The following KDR variants were observed in gnomAD, a reference collection of about 807,000 sequenced individuals.
KDR encodes vascular endothelial growth factor receptor 2.
Under a neutral mutation model 160.9 loss-of-function variants are expected in KDR, and 43 were observed. The ratio of observed to expected loss-of-function variants is 0.27; its 90% CI spans 0.21 to 0.34. The LOEUF is 0.34. KDR is among the 10% of genes least tolerant of loss of function. The pLI, the probability that KDR is intolerant of heterozygous loss-of-function variation, is 1.00. For synonymous variants in KDR, 617 were observed against 600.1 expected (o/e 1.03, Z -0.41); for missense variants, 1,469 against 1,666.4 (o/e 0.88, Z 2.06).
At chr4:55,096,115 G>A (rs183483524) in intron 19 of KDR, 114 bp downstream of exon 19, 19 of 686,132 alleles carry the variant, frequency 2.8e-5, no homozygotes, top group Middle Eastern at 3.8e-4. Context: ...CTAGGAATCC[G>A]CAAAGTATTC....
At chr4:55,114,749 A>G in intron 5 of KDR, 125 bp downstream of exon 5, 1 of 820,852 alleles carries the variant, frequency 1.2e-6, no homozygotes, top group East Asian at 2.5e-5. Context: ...GAGCAGATGA[A>G]TTGCCCAACA....
chr4:55,096,015 TCATA>T (rs1485168127), intron 19 of KDR, among the ~76,000 whole-genome samples: 1 of 152,194 alleles, frequency 6.6e-6, no homozygotes, highest in Non-Finnish European at 1.5e-5. Flanking sequence ...ACAAACTGTA[TCATA>T]GTAGCATGAC....
chr4:55,095,999 C>T (rs41279531), intron 19 of KDR, among the ~76,000 whole-genome samples: 44,562 of 151,812 alleles, frequency 0.29, 7,380 homozygotes, highest in Admixed American at 0.45. Flanking sequence ...ATCTGTTACA[C>T]AAGTAACAAA....
rs1269675361 is a variant in KDR, at chr4:55,079,932, T to C, written c.*9A>G. ...GATGTCCAGGAGTTGGGGGTGTGGA[T>C]GCTTCCTTTTAAACAGGAGGAGAGC... On this transcript the variant is annotated 3_prime_UTR_variant, in exon 30 of 30. Transcript: ENST00000263923. 1.2e-6 allele frequency: 2 copies of C among 1,611,718 alleles called. No homozygotes were observed. Among genetic ancestry groups the C allele is most frequent in the Admixed American group, 1.7e-5 (1 of 60,022 alleles).
chr4:55,090,556 T>A (rs1331563038), intron 22 of KDR, among the ~76,000 whole-genome samples: 1 of 152,214 alleles, frequency 6.6e-6, no homozygotes. Flanking sequence ...CTGGCTCTGA[T>A]AAACAATTCC....
chr4:55,100,238 T>C (rs1293668403), intron 15 of KDR, among the ~76,000 whole-genome samples: 1 of 152,068 alleles, frequency 6.6e-6, no homozygotes, highest in Admixed American at 6.6e-5. Flanking sequence ...AAAAGTTAAC[T>C]TAACCATTGA....
chr4:55,115,261 T>C lies in KDR; in HGVS notation c.489+20A>G, dbSNP rs373747947. The C allele has an allele frequency of 1.9e-6, 3 of 1,593,528 alleles. No individual in the cohort carries two copies. The highest frequency in any genetic ancestry group is 2.6e-6 in the Non-Finnish European group (3 of 1,161,332). On this transcript the variant is annotated intron_variant, in intron 4 of 29. Transcript: ENST00000263923. The stretch of plus-strand genomic sequence containing the variant: ...AAAATTATAAAAACTTAAGAGACGA[T>C]TGGAGGAGATGCAACTTACTGCACA...
Position 55,080,140 on chromosome 4 carries a change from C to A in KDR, c.3872G>T (p.Arg1291Met). The A allele has an allele frequency of 1.9e-6, 3 of 1,613,424 alleles. No homozygotes were observed. The South Asian group carries it at 3.3e-5, about 18-fold the overall frequency. Residue 1291 changes from arginine to methionine, a missense_variant, in exon 30 of 30, where the codon AGG (arginine) becomes ATG (methionine). Arg to Met is a moderately conservative substitution (Grantham distance 91, BLOSUM62 -1). This residue lies in a region of KDR where 229 missense variants were observed against 197.8 expected (regional missense o/e 1.16). Transcript: ENST00000263923. Reference protein sequence around the residue: ...SFGGMVPSKSRESVASEGSNQ... With the variant: ...SFGGMVPSKSMESVASEGSNQ... ...TGAGCCTTCAGATGCCACAGACTCC[C>A]TGCTTTTGCTGGGCACCATTCCACT...
intron 12 of KDR, 24 bp from the exon 13 acceptor site, chr4:55,105,008 T>C (rs762709466): frequency 1.9e-6 from 3 of 1,588,256 alleles, no homozygotes; most frequent in South Asian, 1.1e-5. Context: ...GCCATAGTTA[T>C]TGAATGGTGA....
chr4:55,106,962 A>C, intron 10 of KDR, 152 bp from the exon 11 acceptor site: 1 of 714,224 alleles, frequency 1.4e-6, no homozygotes, highest in Non-Finnish European at 2.5e-6. Context: ...CCAATTAAAA[A>C]TAGGCATTGA....
chr4:55,091,415 C>T (rs936255601), intron 22 of KDR, among the ~76,000 whole-genome samples: 1 of 152,130 alleles, frequency 6.6e-6, no homozygotes, highest in African/African-American at 2.4e-5. Flanking sequence ...AAAGTTAAAG[C>T]ATTCCCACAT....
At position 55,115,051 on chromosome 4, in the gene KDR, T is replaced by A; in HGVS notation, c.490-9A>T. On this transcript the variant is annotated splice_polypyrimidine_tract_variant and intron_variant, in intron 4 of 29. Coordinates refer to ENST00000263923, the MANE Select transcript of KDR (RefSeq NM_002253.4). ...CTCTTTTCTGGGTATCTCTGGGTAA[T>A]AAAAAGACATATCAAATATTTAATC... 4.4e-6 allele frequency: 7 copies of A among 1,607,594 alleles called. No individual in the cohort carries two copies. The highest frequency in any genetic ancestry group is 6.0e-6 in the Non-Finnish European group (7 of 1,174,488).
Position 55,104,771 on chromosome 4 carries a change from C to A in KDR, c.1859G>T (p.Ser620Ile), listed in dbSNP as rs766176109. The change falls in exon 13 of 30, where the codon AGC becomes ATC. Residue 620 changes from serine to isoleucine, a missense_variant. Around this residue, in one of 7 missense-constraint regions of KDR, gnomAD observed 792 missense variants for 840.9 expected, o/e 0.94. Coordinates refer to ENST00000263923, the MANE Select transcript of KDR (RefSeq NM_002253.4). ...WKLNATMFSN[S>I]TNDILIMELK... The stretch of plus-strand genomic sequence containing the variant: ...CTCCATGATCAAAATGTCATTTGTG[C>A]TATTAGAGAACATGGTGGCATTCAA... 1 of 1,613,936 alleles carries A rather than the reference C, an allele frequency of 6.2e-7. No homozygotes were observed. Among genetic ancestry groups the A allele is most frequent in the East Asian group, 2.2e-5 (1 of 44,866 alleles).
intron 21 of KDR, 119 bp from the exon 22 acceptor site, chr4:55,092,833 G>T: frequency 1.4e-6 from 1 of 733,256 alleles, no homozygotes; most frequent in Middle Eastern, 2.4e-4. Flanking sequence ...GGAAATAGAA[G>T]CAGAGAGTCA....
In KDR at chr4:55,102,504, A is replaced by G. The variant is rs1481431959; in HGVS notation, c.1992T>C (p.Arg664=). The G allele has an allele frequency of 6.2e-7, 1 of 1,613,750 alleles. No homozygotes were observed. Among genetic ancestry groups the G allele is most frequent in the South Asian group, 1.1e-5 (1 of 91,078 alleles). The change falls in exon 14 of 30, where the codon CGT becomes CGC. Residue 664 remains arginine (R), a synonymous_variant. Coordinates refer to ENST00000263923, the MANE Select transcript of KDR (RefSeq NM_002253.4). ...CVVRQLTVLE[R]VAPTITGNLE... is the part of the protein sequence containing the mutation. ...GGTTTCCTGTGATCGTGGGTGCCACACGCTCTAGACACACAAAAAGAAAAT... is the reference window on the plus strand; with the variant it reads ...GGTTTCCTGTGATCGTGGGTGCCACGCGCTCTAGACACACAAAAAGAAAAT...
Position 55,118,744 on chromosome 4 carries a change from C to T in KDR, c.218G>A (p.Arg73Lys). Residue 73 changes from arginine to lysine, a missense_variant, in exon 3 of 30, where the codon AGG (arginine) becomes AAG (lysine). Coordinates refer to ENST00000263923, the MANE Select transcript of KDR (RefSeq NM_002253.4). The part of the protein sequence containing the change: ...WPNNQSGSEQ[R>K]VEVTECSDGL... ...ATCGCTGCACTCAGTCACCTCCACC[C>T]TTTGCTCACTGCCACTCTGATTATT... The T allele has an allele frequency of 6.2e-7, 1 of 1,614,190 alleles. No individual in the cohort carries two copies. Among genetic ancestry groups the T allele is most frequent in the Non-Finnish European group, 8.5e-7 (1 of 1,180,024 alleles).
chr4:55,103,906 T>C (rs1397815349), intron 13 of KDR, among the ~76,000 whole-genome samples: 1 of 152,110 alleles, frequency 6.6e-6, no homozygotes, highest in Non-Finnish European at 1.5e-5. Flanking sequence ...GACAAAGCCA[T>C]GGCTGCCCAG....
intron 29 of KDR, among the ~76,000 whole-genome samples, chr4:55,081,569 A>G (rs1197449069): frequency 1.3e-5 from 2 of 152,206 alleles, no homozygotes; most frequent in East Asian, 3.8e-4. Flanking sequence ...CATACTTCTT[A>G]AGCACAGATG....
At chr4:55,119,872 T>G (rs1031332627) in intron 2 of KDR, among the ~76,000 whole-genome samples, 24 of 152,288 alleles carry the variant, frequency 1.6e-4, no homozygotes, top group African/African-American at 5.5e-4. Context: ...AATGTAACAT[T>G]ATTGGCCCTT....
Sources: gnomAD v4.1 joint callset for allele counts (sites outside exome capture counted in the v4.1 genomes callset) on GRCh38, gnomAD v4.1.1 for gene constraint, gnomAD v4.1.1 regional missense constraint, MANE v1.5 for transcripts, NCBI Gene and HGNC (gene_info 2026-07-23, HGNC 2026-07-21) for gene names.